The following ASTN2 variants were observed in gnomAD, a reference collection of about 807,000 sequenced individuals.
The protein encoded by ASTN2 is astrotactin 2.
A neutral mutation model predicts 139.8 loss-of-function variants in ASTN2; 54 were observed. The ratio of observed to expected loss-of-function variants is 0.39; its 90% CI spans 0.31 to 0.48. ASTN2 has a LOEUF of 0.48. Among genes scored for constraint, ASTN2 ranks in the 20% least tolerant of loss-of-function variants. ASTN2 has a pLI of 0.95. For missense variants in ASTN2, 1,565 were observed against 1,725.1 expected, an observed-to-expected ratio of 0.91 and a Z score of 1.64; for synonymous variants, 756 against 719.5, an observed-to-expected ratio of 1.05 and a Z score of -0.81.
chr9:116,534,228 T>G (rs1369852936), intron 19 of ASTN2, among the ~76,000 whole-genome samples: 1 of 152,208 alleles, frequency 6.6e-6, no homozygotes, highest in Non-Finnish European at 1.5e-5. Context: ...CATTTTTTAT[T>G]GCGTCTATTA....
chr9:116,566,605 G>A (rs909587723), intron 19 of ASTN2, among the ~76,000 whole-genome samples: 2 of 152,126 alleles, frequency 1.3e-5, no homozygotes, highest in Non-Finnish European at 1.5e-5. Context: ...TACCTGCAGC[G>A]GAATTGATTC....
intron 1 of ASTN2, among the ~76,000 whole-genome samples, chr9:117,299,449 A>C (rs1406790603): frequency 6.6e-6 from 1 of 152,176 alleles, no homozygotes; most frequent in Non-Finnish European, 1.5e-5. Flanking sequence ...TGGATCTAAA[A>C]ACTCTTCATG....
At chr9:117,239,144 TG>T (rs2133069903) in intron 2 of ASTN2, among the ~76,000 whole-genome samples, 2 of 152,300 alleles carry the variant, frequency 1.3e-5, no homozygotes, top group East Asian at 3.9e-4. Flanking sequence ...TTTCTTCATT[TG>T]GGGAACCAAG....
chr9:116,826,886 G>C (rs1467010969), intron 11 of ASTN2, among the ~76,000 whole-genome samples: 1 of 152,188 alleles, frequency 6.6e-6, no homozygotes, highest in Non-Finnish European at 1.5e-5. Context: ...ACAACTGTGT[G>C]ATAATGAAAA....
chr9:117,058,733 C>T (rs1839144193), intron 5 of ASTN2, among the ~76,000 whole-genome samples: 1 of 152,154 alleles, frequency 6.6e-6, no homozygotes, highest in South Asian at 2.1e-4. Flanking sequence ...TGGACGCCAT[C>T]CTCATGAAGT....
chr9:117,013,170 G>A (rs1157528974), intron 6 of ASTN2, among the ~76,000 whole-genome samples: 1 of 152,172 alleles, frequency 6.6e-6, no homozygotes, highest in East Asian at 1.9e-4. Flanking sequence ...AAGAGAGAAA[G>A]AGAGCACTAA....
At chr9:116,955,820 G>A (rs7044421) in intron 10 of ASTN2, among the ~76,000 whole-genome samples, 57 of 152,076 alleles carry the variant, frequency 3.7e-4, no homozygotes, top group Non-Finnish European at 6.8e-4. Context: ...TTTTTTTTCA[G>A]TGTACTGTGT....
chr9:117,137,149 C>T (rs1002933126), intron 4 of ASTN2, among the ~76,000 whole-genome samples: 1 of 152,160 alleles, frequency 6.6e-6, no homozygotes, highest in African/African-American at 2.4e-5. Context: ...AACATGAAGT[C>T]AGAAGTTCAA....
intron 19 of ASTN2, among the ~76,000 whole-genome samples, chr9:116,593,054 C>G (rs1373769706): frequency 6.6e-6 from 1 of 152,100 alleles, no homozygotes; most frequent in Non-Finnish European, 1.5e-5. Context: ...AATATGTTGC[C>G]CATGACACAT....
chr9:116,793,995 T>C (rs1830622292), intron 13 of ASTN2, among the ~76,000 whole-genome samples: 2 of 152,166 alleles, frequency 1.3e-5, no homozygotes, highest in East Asian at 1.9e-4. Flanking sequence ...CCCTGGGCCA[T>C]GTTGGAAGAA....
chr9:117,119,323 G>A (rs34499290), intron 4 of ASTN2, among the ~76,000 whole-genome samples: 16,298 of 152,220 alleles, frequency 0.11, 1,073 homozygotes, highest in Non-Finnish European at 0.15. Context: ...ATTTGATTAG[G>A]CATGGTGTGC....
intron 3 of ASTN2, among the ~76,000 whole-genome samples, chr9:117,202,047 G>A (rs1831741071): frequency 6.6e-6 from 1 of 152,172 alleles, no homozygotes; most frequent in Non-Finnish European, 1.5e-5. Flanking sequence ...TATATATTCA[G>A]AATAGTTAGC....
At position 117,141,337 on chromosome 9, in the gene ASTN2, C is replaced by T. The variant is rs1198319584; in HGVS notation, c.1157G>A (p.Ser386Asn). Reference protein sequence around the residue: ...STSAGKRKRRSKSRGGISFGR... With the variant: ...STSAGKRKRRNKSRGGISFGR... ...CCAGGAGGGCCTACCTCGAGACTTG[C>T]TCCTCCGCTTCCTCTTCCCTGCCGA... is the stretch of plus-strand genomic sequence containing the variant. Residue 386 changes from serine to asparagine, a missense_variant, in exon 4 of 23, where the codon AGC becomes AAC. Ser to Asn is a conservative substitution (Grantham distance 46, BLOSUM62 1). Transcript: ENST00000313400. 1 of 1,367,298 alleles carries T rather than the reference C, an allele frequency of 7.3e-7. No individual in the cohort carries two copies. The highest frequency in any genetic ancestry group is 1.9e-5 in the Admixed American group (1 of 52,576). 84.7% of individuals were successfully genotyped at this position (1,367,298 alleles called of 1,614,324 possible).
intron 13 of ASTN2, among the ~76,000 whole-genome samples, chr9:116,785,553 A>G (rs537068869): frequency 2.3e-4 from 35 of 152,278 alleles, no homozygotes; most frequent in African/African-American, 7.2e-4. Context: ...AACATTATCA[A>G]AAACAAATTT....
At chr9:117,194,050 G>A (rs1323123845) in intron 3 of ASTN2, among the ~76,000 whole-genome samples, 1 of 152,174 alleles carries the variant, frequency 6.6e-6, no homozygotes, top group Non-Finnish European at 1.5e-5. Flanking sequence ...GCACAAGAAA[G>A]GGCAGGTTGA....
intron 19 of ASTN2, among the ~76,000 whole-genome samples, chr9:116,555,597 G>A (rs1382352843): frequency 1.3e-5 from 2 of 152,228 alleles, no homozygotes; most frequent in East Asian, 3.9e-4. Flanking sequence ...CTGACCTCTG[G>A]GAAAGCTATT....
Position 116,900,491 on chromosome 9 carries a change from A to G in ASTN2, c.1890-36758T>C, listed in dbSNP as rs149437940. 4.9e-3 allele frequency among the ~76,000 whole-genome samples: 748 copies of G among 152,190 alleles called. 3 individuals carry two copies. Among genetic ancestry groups the G allele is most frequent in the African/African-American group, 0.017 (702 of 41,518 alleles). On this transcript the variant is annotated intron_variant, in intron 10 of 22. Coordinates refer to ENST00000313400, the MANE Select transcript of ASTN2 (RefSeq NM_001365068.1). ...TGTAGAGAGAGAAATCATTTTGAGG[A>G]TTTTTTCTTATTGAGAGCTATATTC...
intron 16 of ASTN2, among the ~76,000 whole-genome samples, chr9:116,683,863 G>T (rs1860039504): frequency 6.6e-6 from 1 of 152,122 alleles, no homozygotes; most frequent in African/African-American, 2.4e-5. Context: ...CACAACTGGA[G>T]AAATTGATTA....
intron 16 of ASTN2, among the ~76,000 whole-genome samples, chr9:116,673,043 C>G (rs1859293010): frequency 6.6e-6 from 1 of 152,226 alleles, no homozygotes; most frequent in African/African-American, 2.4e-5. Flanking sequence ...AATATCCTCT[C>G]CATAGGTAGG....
Sources: gnomAD v4.1 joint callset for allele counts (sites outside exome capture counted in the v4.1 genomes callset) on GRCh38, gnomAD v4.1.1 for gene constraint, MANE v1.5 for transcripts, NCBI Gene and HGNC (gene_info 2026-07-23, HGNC 2026-07-21) for gene names.